Variants in COPS8 observed in about 807,000 individuals in gnomAD.
COPS8 encodes the protein COP9 signalosome subunit 8.
COPS8 carries 11 observed loss-of-function variants against 31.5 expected under a neutral mutation model. The observed-to-expected ratio is 0.35, with a 90% confidence interval of 0.22 to 0.58. The LOEUF is 0.58. COPS8 is among the 20% of genes least tolerant of loss of function. The pLI, the probability that COPS8 is intolerant of heterozygous loss-of-function variation, is 0.83. For synonymous variants in COPS8, 81 were observed against 89.3 expected, an observed-to-expected ratio of 0.91 and a Z score of 0.52; for missense variants, 215 against 255.1, an observed-to-expected ratio of 0.84 and a Z score of 1.07.
chr2:237,089,735 A>G (rs1323782052), intron 3 of COPS8, 127 bp from the exon 4 acceptor site: 11 of 933,336 alleles, frequency 1.2e-5, no homozygotes, highest in Middle Eastern at 7.1e-4. Flanking sequence ...TTTAAAATAA[A>G]TGTTGAATTA....
At chr2:237,095,488 G>C (rs759448027) in intron 5 of COPS8, among the ~76,000 whole-genome samples, 43 of 152,104 alleles carry the variant, frequency 2.8e-4, no homozygotes, top group Non-Finnish European at 5.6e-4. Flanking sequence ...TTACTGATAT[G>C]ATGGTCACAA....
In COPS8 at chr2:237,097,324, G is replaced by A. The variant is rs563164125; in HGVS notation, c.551-339G>A. ...TATTTCTTGAATTTAATGTTGCATGGGTAAGGATGTTTTCAAGAAGAGCTG... is the reference window on the plus strand; with the variant it reads ...TATTTCTTGAATTTAATGTTGCATGAGTAAGGATGTTTTCAAGAAGAGCTG... On this transcript the variant is annotated intron_variant, in intron 7 of 7. Transcript: ENST00000354371. Among the ~76,000 whole-genome samples, 78 of 150,912 alleles carry A rather than the reference G, an allele frequency of 5.2e-4. 1 individual carries two copies. The highest frequency in any genetic ancestry group is 1.9e-3 in the African/African-American group (76 of 41,068).
At chr2:237,091,718 G>A (rs1217942824) in intron 4 of COPS8, among the ~76,000 whole-genome samples, 4 of 152,194 alleles carry the variant, frequency 2.6e-5, no homozygotes, top group African/African-American at 9.7e-5. Context: ...AGGAAACAAG[G>A]GCTGAGGAAG....
At chr2:237,088,977 A>G (rs540742416) in intron 3 of COPS8, among the ~76,000 whole-genome samples, 6 of 152,282 alleles carry the variant, frequency 3.9e-5, no homozygotes, top group African/African-American at 1.2e-4. Context: ...CAGCTGGTTT[A>G]TGTTGCTTCC....
intron 1 of COPS8, 126 bp downstream of exon 1, chr2:237,086,168 G>A (rs1696607759): frequency 1.1e-6 from 1 of 873,338 alleles, no homozygotes; most frequent in South Asian, 1.5e-5. Flanking sequence ...GGCGTGGGAG[G>A]TGGACGTGTG....
intron 3 of COPS8, among the ~76,000 whole-genome samples, chr2:237,089,357 T>C (rs1696669488): frequency 6.6e-6 from 1 of 152,120 alleles, no homozygotes. Context: ...CTTCTTTGGC[T>C]AAATAAAGAA....
In COPS8 at chr2:237,094,179, G is replaced by A. The variant is rs1284049446; in HGVS notation, c.421G>A (p.Val141Ile). 5 of 1,613,644 alleles carry A rather than the reference G, an allele frequency of 3.1e-6. No homozygotes were observed. In the African/African-American group the frequency reaches 5.3e-5, roughly 17 times the overall value. The change falls in exon 5 of 8, where the codon GTA becomes ATA. Residue 141 changes from valine (V) to isoleucine (I), a missense_variant. Val to Ile is a conservative substitution (Grantham distance 29). Coordinates refer to ENST00000354371, the MANE Select transcript of COPS8 (RefSeq NM_006710.5). ...TTTTGCAGCCTTTGTTGGACTTCCT[G>A]TAGAAGAGGCTGTGAAAGGTAATTT... ...DDFAAFVGLP[V>I]EEAVKGILEQ...
chr2:237,087,519 A>C (rs896868080), intron 2 of COPS8: 1 of 332,064 alleles, frequency 3.0e-6, no homozygotes, highest in East Asian at 9.1e-5. Flanking sequence ...AAACAAAAGA[A>C]GTGAAAAGAG....
At chr2:237,090,985 G>A (rs912217179) in intron 4 of COPS8, among the ~76,000 whole-genome samples, 1 of 152,174 alleles carries the variant, frequency 6.6e-6, no homozygotes, top group Non-Finnish European at 1.5e-5. Context: ...AGGAATTAGC[G>A]TTATAGTGGA....
intron 3 of COPS8, among the ~76,000 whole-genome samples, 162 bp downstream of exon 3, chr2:237,088,815 T>G (rs986387691): frequency 6.6e-6 from 1 of 152,198 alleles, no homozygotes; most frequent in African/African-American, 2.4e-5. Context: ...ATCAGAAATT[T>G]GAATTTTGCT....
At chr2:237,087,417 T>C in intron 2 of COPS8, 2 of 526,408 alleles carry the variant, frequency 3.8e-6, no homozygotes, top group Non-Finnish European at 6.9e-6. Flanking sequence ...CAATTTATTA[T>C]GACAAATTAC....
chr2:237,094,881 G>A (rs1298567595), intron 5 of COPS8, among the ~76,000 whole-genome samples: 4 of 152,136 alleles, frequency 2.6e-5, no homozygotes, highest in Non-Finnish European at 4.4e-5. Context: ...CAGGAGAATC[G>A]CATGAATCCA....
chr2:237,087,409 A>G (rs565600507), intron 2 of COPS8: 32 of 527,476 alleles, frequency 6.1e-5, no homozygotes, highest in Admixed American at 1.5e-4. Context: ...AAACATTTCA[A>G]TTTATTATGA....
At chr2:237,086,847 C>T (rs538611224) in intron 1 of COPS8, 4 of 462,930 alleles carry the variant, frequency 8.6e-6, no homozygotes, top group East Asian at 7.6e-5. Context: ...GATCCACTTA[C>T]ATATTCTTGA....
intron 2 of COPS8, among the ~76,000 whole-genome samples, chr2:237,088,152 C>T (rs1389700718): frequency 6.6e-6 from 1 of 152,106 alleles, no homozygotes; most frequent in African/African-American, 2.4e-5. Context: ...AGCCTCCAAA[C>T]CCATAAAAAC....
At chr2:237,089,627 A>C (rs751567371) in intron 3 of COPS8, among the ~76,000 whole-genome samples, 1 of 152,224 alleles carries the variant, frequency 6.6e-6, no homozygotes, top group African/African-American at 2.4e-5. Context: ...TTGCTATTGT[A>C]ATAAATTTAT....
intron 7 of COPS8, 119 bp from the exon 8 acceptor site, chr2:237,097,544 A>G (rs890573104): frequency 1.3e-5 from 9 of 680,712 alleles, no homozygotes; most frequent in Non-Finnish European, 2.3e-5. Context: ...AACCAGGACA[A>G]ATCTAAGAAA....
At chr2:237,096,717 A>G (rs1696806879) in intron 6 of COPS8, 105 bp from the exon 7 acceptor site, 1 of 822,994 alleles carries the variant, frequency 1.2e-6, no homozygotes, top group Admixed American at 2.1e-5. Flanking sequence ...TGTTTGAGAA[A>G]TAAATGGCCG....
chr2:237,094,239 T>C (rs374366971), intron 5 of COPS8, 42 bp downstream of exon 5: 11 of 1,570,338 alleles, frequency 7.0e-6, no homozygotes, highest in African/African-American at 1.4e-5. Flanking sequence ...AAATGGAAAA[T>C]AGAAGTGTGA....
Sources: gnomAD v4.1 joint callset for allele counts (sites outside exome capture counted in the v4.1 genomes callset) on GRCh38, gnomAD v4.1.1 for gene constraint, MANE v1.5 for transcripts, NCBI Gene and HGNC (gene_info 2026-07-23, HGNC 2026-07-21) for gene names.